The following RBFOX1 variants were observed in gnomAD, a reference collection of about 807,000 sequenced individuals.
The protein encoded by RBFOX1 is RNA binding protein fox-1 homolog 1.
A neutral mutation model predicts 57.7 loss-of-function variants in RBFOX1; 8 were observed. The observed-to-expected ratio is 0.14, with a 90% CI of 0.08 to 0.25. The LOEUF (loss-of-function observed/expected upper bound fraction) is 0.25, where lower values mean the gene tolerates loss of function less well. Ranked by LOEUF, RBFOX1 falls within the 10% of genes least tolerant of loss-of-function variation. RBFOX1 has a pLI of 1.00. For missense variants in RBFOX1, 611 were observed against 548.5 expected (o/e 1.11, Z -1.14); for synonymous variants, 326 against 222.4 (o/e 1.47, Z -4.15).
intron 3 of RBFOX1, among the ~76,000 whole-genome samples, chr16:6,876,180 C>G (rs2061811773): frequency 6.6e-6 from 1 of 151,288 alleles, no homozygotes; most frequent in Non-Finnish European, 1.5e-5. Flanking sequence ...GTGAAGGACC[C>G]TCTCAAAAAA....
chr16:5,513,578 T>A (rs945898198), intron 2 of RBFOX1, among the ~76,000 whole-genome samples: 3 of 152,228 alleles, frequency 2.0e-5, no homozygotes, highest in Admixed American at 2.0e-4. Flanking sequence ...TTTGCTTTCA[T>A]TGATGGAGGA....
At chr16:6,859,175 G>GTATA (rs1383838091) in intron 3 of RBFOX1, among the ~76,000 whole-genome samples, 5 of 66,550 alleles carry the variant, frequency 7.5e-5, no homozygotes, top group African/African-American at 7.9e-5. Context: ...GTATATATAT[G>GTATA]TATATATATG....
chr16:6,816,944 A>G (rs2090211297), intron 3 of RBFOX1, among the ~76,000 whole-genome samples: 1 of 151,906 alleles, frequency 6.6e-6, no homozygotes, highest in Non-Finnish European at 1.5e-5. Flanking sequence ...ATGGGGTCTT[A>G]ACTGAGTTGC....
At chr16:7,583,770 C>G (rs1392422625) in intron 6 of RBFOX1, among the ~76,000 whole-genome samples, 1 of 151,910 alleles carries the variant, frequency 6.6e-6, no homozygotes, top group Non-Finnish European at 1.5e-5. Context: ...TGCTTGAGTT[C>G]AAGAATTTTA....
intron 4 of RBFOX1, among the ~76,000 whole-genome samples, chr16:7,401,124 A>G (rs1054676881): frequency 6.6e-6 from 1 of 152,256 alleles, no homozygotes; most frequent in Non-Finnish European, 1.5e-5. Flanking sequence ...TAATGGTATT[A>G]GAAAATCCAG....
chr16:6,972,526 G>C (rs1250121218), intron 3 of RBFOX1, among the ~76,000 whole-genome samples: 1 of 152,118 alleles, frequency 6.6e-6, no homozygotes, highest in East Asian at 1.9e-4. Context: ...GTTGGTGTCT[G>C]AATAGTGCTG....
intron 4 of RBFOX1, among the ~76,000 whole-genome samples, chr16:7,202,356 G>A (rs2152729345): frequency 6.6e-6 from 1 of 151,390 alleles, no homozygotes; most frequent in East Asian, 1.9e-4. Context: ...TGGAAAAATT[G>A]GACCCATTAC....
intron 5 of RBFOX1, among the ~76,000 whole-genome samples, chr16:7,552,342 G>C (rs2086813232): frequency 6.6e-6 from 1 of 152,116 alleles, no homozygotes; most frequent in Non-Finnish European, 1.5e-5. Flanking sequence ...TATAGTGAGA[G>C]GCGACAGGAT....
intron 4 of RBFOX1, among the ~76,000 whole-genome samples, chr16:7,329,230 T>C (rs2096652480): frequency 6.6e-6 from 1 of 152,222 alleles, no homozygotes; most frequent in Admixed American, 6.5e-5. Context: ...TACACGGCTC[T>C]TTATTTGACT....
intron 3 of RBFOX1, among the ~76,000 whole-genome samples, chr16:6,680,167 G>T (rs761787780): frequency 2.0e-5 from 3 of 151,860 alleles, no homozygotes; most frequent in Admixed American, 6.6e-5. Context: ...AATGAGAAGA[G>T]ATAGAATAGC....
At chr16:7,193,612 C>G (rs1308571547) in intron 4 of RBFOX1, among the ~76,000 whole-genome samples, 3 of 152,288 alleles carry the variant, frequency 2.0e-5, no homozygotes, top group East Asian at 1.9e-4. Flanking sequence ...GAGGCAGGTA[C>G]TACATTGTGT....
intron 3 of RBFOX1, among the ~76,000 whole-genome samples, chr16:6,691,848 G>C (rs1353846830): frequency 1.3e-5 from 2 of 152,206 alleles, no homozygotes; most frequent in Non-Finnish European, 2.9e-5. Context: ...ACTTTTCCTT[G>C]CTCTGGTCAG....
intron 1 of RBFOX1, among the ~76,000 whole-genome samples, chr16:6,231,884 G>A (rs1047959796): frequency 9.2e-6 from 1 of 108,784 alleles, no homozygotes; most frequent in Non-Finnish European, 1.8e-5. Flanking sequence ...AGCAATAATT[G>A]AAAACAATGA....
At chr16:7,455,063 C>T (rs62017294) in intron 4 of RBFOX1, among the ~76,000 whole-genome samples, 1 of 152,180 alleles carries the variant, frequency 6.6e-6, no homozygotes, top group Non-Finnish European at 1.5e-5. Context: ...AGGTACCATG[C>T]TAGGCACAAC....
chr16:5,693,648 G>A (rs949851366), intron 3 of RBFOX1, among the ~76,000 whole-genome samples: 2 of 152,140 alleles, frequency 1.3e-5, no homozygotes, highest in African/African-American at 4.8e-5. Context: ...AAGACGCAGC[G>A]AGAATCTTGG....
Position 5,831,266 on chromosome 16 carries a change from G to T in RBFOX1, c.319-36037G>T, listed in dbSNP as rs576430662. 2.0e-5 allele frequency among the ~76,000 whole-genome samples: 3 copies of T among 152,120 alleles called. No homozygotes were observed. The South Asian group carries it at 6.2e-4, about 32-fold the overall frequency. On this transcript the variant is annotated intron_variant, in intron 3 of 19. Coordinates refer to the RBFOX1 transcript ENST00000641259. ...TAACACTGTGCCCTTAGTGATGAGT[G>T]AGTGAGTTTTCCAGAGATCTGGTTT...
At chr16:7,325,625 C>T (rs1020267442) in intron 4 of RBFOX1, among the ~76,000 whole-genome samples, 2 of 152,132 alleles carry the variant, frequency 1.3e-5, no homozygotes, top group African/African-American at 4.8e-5. Context: ...ATTAGTCCTC[C>T]ACTGAGATTT....
At chr16:7,091,977 C>T (rs2060937639) in intron 4 of RBFOX1, among the ~76,000 whole-genome samples, 1 of 152,096 alleles carries the variant, frequency 6.6e-6, no homozygotes. Flanking sequence ...TCTCTTTTCC[C>T]CTTTATTTCA....
At position 7,186,170 on chromosome 16, in the gene RBFOX1, A is replaced by G. The variant is rs1423769235; in HGVS notation, c.27+134072A>G. Among the ~76,000 whole-genome samples the G allele has an allele frequency of 3.3e-5, 5 of 150,986 alleles. No individual in the cohort carries two copies. The East Asian group carries it at 9.7e-4, about 29-fold the overall frequency. On this transcript the variant is annotated intron_variant, in intron 4 of 15. Transcript: ENST00000550418. Reference sequence around the variant, plus strand: ...TATCATGATACTTATCTCTAATGACATAAATATGTATATAAATATACATAA... The same window carrying G: ...TATCATGATACTTATCTCTAATGACGTAAATATGTATATAAATATACATAA...
Sources: gnomAD v4.1 joint callset for allele counts (sites outside exome capture counted in the v4.1 genomes callset) on GRCh38, gnomAD v4.1.1 for gene constraint, MANE v1.5 for transcripts, NCBI Gene and HGNC (gene_info 2026-07-23, HGNC 2026-07-21) for gene names.